Variants in MICA observed in about 807,000 individuals in gnomAD.
The protein encoded by MICA is HLA class I antigen.
MICA carries 18 observed loss-of-function variants against 34.3 expected under a neutral mutation model. That is an observed-to-expected ratio of 0.52 (90% CI 0.36 to 0.78). MICA has a LOEUF of 0.78. Ranked by LOEUF, MICA falls within the 30% of genes least tolerant of loss-of-function variation. MICA has a pLI of 0.00. For synonymous variants in MICA, 135 were observed against 156.9 expected (o/e 0.86, Z 1.04); for missense variants, 333 against 409.4 (o/e 0.81, Z 1.61).
At position 31,411,032 on chromosome 6, in the gene MICA, T is replaced by C. The variant is rs750099650; in HGVS notation, c.326-40T>C. The C allele has an allele frequency of 2.6e-6, 4 of 1,525,752 alleles. No homozygotes were observed. The South Asian group carries it at 3.8e-5, about 15-fold the overall frequency. The allele number at this position is 1,525,752 out of a possible 1,614,324, so 94.5% of individuals were successfully genotyped here. A position where few individuals can be genotyped will look rare whatever the true frequency, so the allele number is the denominator to read the frequency against. Reference sequence around the variant, plus strand: ...GTTCCTCACTTGGGTGGAAAGGTGATGGGTTCGGGAATGGAGAAGTCACTG... The same window carrying C: ...GTTCCTCACTTGGGTGGAAAGGTGACGGGTTCGGGAATGGAGAAGTCACTG... On this transcript the variant is annotated intron_variant, in intron 2 of 5. Coordinates refer to ENST00000449934, the MANE Select transcript of MICA (RefSeq NM_001177519.3). This position sits in a 1 kb window ranked among gnomAD's most constrained non-coding sequence, Gnocchi z 4.3.
chr6:31,408,226 G>A (rs1389769187), intron 1 of MICA, among the ~76,000 whole-genome samples: 1 of 151,850 alleles, frequency 6.6e-6, no homozygotes, highest in East Asian at 1.9e-4. Flanking sequence ...CTTTTTTAAT[G>A]TATTGTTGAA....
chr6:31,403,759 G>C lies in MICA; in HGVS notation c.70+57G>C, dbSNP rs1411082951. The C allele has an allele frequency of 6.7e-7, 1 of 1,483,536 alleles. No individual in the cohort carries two copies. The highest frequency in any genetic ancestry group is 9.0e-7 in the Non-Finnish European group (1 of 1,108,564). The allele number at this position is 1,483,536 out of a possible 1,614,324, so 91.9% of individuals were successfully genotyped here. ...GCGGGAGCAGTGGGACGTTTCCGGG[G>C]GTCGGGTGGGTAGCGGCGAGCGCTG... On this transcript the variant is annotated intron_variant, in intron 1 of 5. Coordinates refer to ENST00000449934, the MANE Select transcript of MICA (RefSeq NM_001177519.3). This position sits in a 1 kb window ranked among gnomAD's most constrained non-coding sequence, Gnocchi z 4.7.
At position 31,411,363 on chromosome 6, in the gene MICA, C is replaced by T. The variant is rs1331836544; in HGVS notation, c.613+4C>T. 2 of 1,553,238 alleles carry T rather than the reference C, an allele frequency of 1.3e-6. No individual in the cohort carries two copies. The highest frequency in any genetic ancestry group is 1.4e-5 in the African/African-American group (1 of 72,864). The stretch of plus-strand genomic sequence containing the variant: ...GGCGTAGTCCTGAGGAGAACAGGTA[C>T]CGACGCTGGCCAGGGGCTCTCCTCT... On this transcript the variant is annotated splice_donor_region_variant and intron_variant, in intron 3 of 5. Transcript: ENST00000449934. The surrounding 1 kb of genome is among the most constrained non-coding windows in gnomAD (Gnocchi z 4.3).
chr6:31,402,440 G>A (rs1770481482), upstream of MICA, among the ~76,000 whole-genome samples: 1 of 151,904 alleles, frequency 6.6e-6, no homozygotes, highest in African/African-American at 2.4e-5. Flanking sequence ...ACAGCAGATT[G>A]TGGCAGCTGA....
intron 1 of MICA, among the ~76,000 whole-genome samples, chr6:31,409,947 T>C (rs1770987865): frequency 7.1e-6 from 1 of 141,162 alleles, no homozygotes; most frequent in South Asian, 2.5e-4. Flanking sequence ...CATGCTACTC[T>C]TCCACTTTGA....
At chr6:31,403,162 T>C (rs1368146153), upstream of MICA, among the ~76,000 whole-genome samples, 1 of 151,572 alleles carries the variant, frequency 6.6e-6, no homozygotes, top group Admixed American at 6.6e-5. The surrounding 1 kb of genome is among the most constrained non-coding windows in gnomAD (Gnocchi z 4.7). Context: ...TGAGGGAGTG[T>C]GTTGGGAGAA....
chr6:31,403,526 G>C, upstream of MICA: 3 of 922,974 alleles, frequency 3.3e-6, no homozygotes, highest in Non-Finnish European at 4.6e-6. This position sits in a 1 kb window ranked among gnomAD's most constrained non-coding sequence, Gnocchi z 4.7. Flanking sequence ...CCGGGCCCCA[G>C]TTTCATTGGA....
chr6:31,414,524 C>G (rs1285489510), intron 5 of MICA, among the ~76,000 whole-genome samples: 1 of 151,952 alleles, frequency 6.6e-6, no homozygotes, highest in African/African-American at 2.4e-5. Flanking sequence ...GATGGGGTCC[C>G]CAGTTAGGAG....
Position 31,411,880 on chromosome 6 carries a change from C to T in MICA, c.614-67C>T. 6.5e-7 allele frequency: 1 copy of T among 1,549,244 alleles called. No individual in the cohort carries two copies. Among genetic ancestry groups the T allele is most frequent in the Non-Finnish European group, 8.7e-7 (1 of 1,149,226 alleles). On this transcript the variant is annotated intron_variant, in intron 3 of 5. Coordinates refer to ENST00000449934, the MANE Select transcript of MICA (RefSeq NM_001177519.3). This position sits in a 1 kb window ranked among gnomAD's most constrained non-coding sequence, Gnocchi z 4.3. ...CCAGAGTGAGAACAGTGAAGAGAAA[C>T]AGCCCTGTTCCTCTCCCCTCCTTAG...
chr6:31,412,273 C>G lies in MICA; in HGVS notation c.892+48C>G, dbSNP rs552047462. The G allele has an allele frequency of 5.1e-4, 816 of 1,606,004 alleles. 6 individuals are homozygous for G. Among genetic ancestry groups the G allele is most frequent in the African/African-American group, 1.5e-3 (109 of 74,378 alleles). On this transcript the variant is annotated intron_variant, in intron 4 of 5. Coordinates refer to ENST00000449934, the MANE Select transcript of MICA (RefSeq NM_001177519.3). ...GAGGGTCAGGCCAGGGTAGGGACAGCAGGGATGGCTGTGGCTCTCTGCCCA... is the reference window on the plus strand; with the variant it reads ...GAGGGTCAGGCCAGGGTAGGGACAGGAGGGATGGCTGTGGCTCTCTGCCCA...
chr6:31,401,933 A>C (rs1770451719), upstream of MICA, among the ~76,000 whole-genome samples: 1 of 151,836 alleles, frequency 6.6e-6, no homozygotes. Context: ...AACGACTAAG[A>C]GATGTGCGTT....
intron 1 of MICA, among the ~76,000 whole-genome samples, chr6:31,406,440 T>C (rs1642604855): frequency 6.6e-6 from 1 of 151,876 alleles, no homozygotes; most frequent in Non-Finnish European, 1.5e-5. Flanking sequence ...GAGCTCCTTA[T>C]ATGTTTCAGT....
rs1439458178 is a variant in MICA, at chr6:31,403,825, G to C, written c.70+123G>C. On this transcript the variant is annotated intron_variant, in intron 1 of 5. Coordinates refer to ENST00000449934, the MANE Select transcript of MICA (RefSeq NM_001177519.3). The surrounding 1 kb of genome is among the most constrained non-coding windows in gnomAD (Gnocchi z 4.7). ...GCTCCTGTGCCCTGTCGGTGGCGCA[G>C]GGAGCTGGACGCGGCCCGTTACCGC... is the stretch of plus-strand genomic sequence containing the variant. The C allele has an allele frequency of 6.7e-6, 6 of 889,022 alleles. No individual in the cohort carries two copies. The highest frequency in any genetic ancestry group is 1.0e-5 in the Non-Finnish European group (6 of 602,808). The allele number at this position is 889,022 out of a possible 1,614,324, so 55.1% of individuals were successfully genotyped here. A position where few individuals can be genotyped will look rare whatever the true frequency, so the allele number is the denominator to read the frequency against.
chr6:31,404,538 C>A (rs1302398099), intron 1 of MICA, among the ~76,000 whole-genome samples: 2 of 151,818 alleles, frequency 1.3e-5, no homozygotes, highest in African/African-American at 4.9e-5. Flanking sequence ...CCTGTCCCCG[C>A]CACCGAAGGT....
At chr6:31,405,660 C>G (rs1770708526) in intron 1 of MICA, among the ~76,000 whole-genome samples, 3 of 151,674 alleles carry the variant, frequency 2.0e-5, no homozygotes, top group Non-Finnish European at 4.4e-5. Context: ...AGATCTTATT[C>G]ATTCTAATTA....
rs753765549 is a variant in MICA, at chr6:31,410,619, A to G, written c.147A>G (p.Val49=). The G allele has an allele frequency of 2.5e-6, 4 of 1,613,456 alleles. No individual in the cohort carries two copies. The highest frequency in any genetic ancestry group is 3.4e-6 in the Non-Finnish European group (4 of 1,179,910). Residue 49 remains valine (V), a synonymous_variant, in exon 2 of 6, where the codon GTA becomes GTG. Transcript: ENST00000449934. ...TGCAGTCAGGGTTTCTTGCTGAGGT[A>G]CATCTGGATGGTCAGCCCTTCCTGC... ...GSVQSGFLAE[V]HLDGQPFLRY...
At position 31,410,568 on chromosome 6, in the gene MICA, C is replaced by T; in HGVS notation, c.96C>T (p.Leu32=). ...AAEPHSLRYN[L]TVLSWDGSVQ... ...AGCCCCACAGTCTTCGTTATAACCT[C>T]ACGGTGCTGTCCTGGGATGGATCTG... Residue 32 remains leucine (L), a synonymous_variant, in exon 2 of 6, where the codon CTC becomes CTT. Transcript: ENST00000449934. The T allele has an allele frequency of 1.9e-6, 3 of 1,613,222 alleles. No individual in the cohort carries two copies. Among genetic ancestry groups the T allele is most frequent in the South Asian group, 1.1e-5 (1 of 91,054 alleles).
At position 31,412,163 on chromosome 6, in the gene MICA, A is replaced by G. The variant is rs765546742; in HGVS notation, c.830A>G (p.Glu277Gly). ...WVATRICRGE[E>G]QRFTCYMEHS... ...GCCACCAGGATTTGCCGAGGAGAGGAGCAGAGGTTCACCTGCTACATGGAA... is the reference window on the plus strand; with the variant it reads ...GCCACCAGGATTTGCCGAGGAGAGGGGCAGAGGTTCACCTGCTACATGGAA... Residue 277 changes from glutamate to glycine, a missense_variant, in exon 4 of 6, where the codon GAG (glutamate) becomes GGG (glycine). Transcript: ENST00000449934. The G allele has an allele frequency of 6.2e-7, 1 of 1,612,588 alleles. No homozygotes were observed.
rs997020371 is a variant in MICA at position 31,410,933 on chromosome 6, A to C, written c.325+136A>C. On this transcript the variant is annotated intron_variant, in intron 2 of 5. Coordinates refer to ENST00000449934, the MANE Select transcript of MICA (RefSeq NM_001177519.3). Reference sequence around the variant, plus strand: ...GGAATGGGGGTCAGTGGAACTCAGCAGGGAGGTGAGCCGGCACTCAGCCCA... The same window carrying C: ...GGAATGGGGGTCAGTGGAACTCAGCCGGGAGGTGAGCCGGCACTCAGCCCA... 11 of 1,467,718 alleles carry C rather than the reference A, an allele frequency of 7.5e-6. No individual in the cohort carries two copies. The African/African-American group carries it at 1.3e-4, about 17-fold the overall frequency. The allele number at this position is 1,467,718 out of a possible 1,614,324, so 90.9% of individuals were successfully genotyped here.
Sources: gnomAD v4.1 joint callset for allele counts (sites outside exome capture counted in the v4.1 genomes callset) on GRCh38, gnomAD v4.1.1 for gene constraint, Gnocchi (gnomAD v3.1) non-coding constraint, MANE v1.5 for transcripts, NCBI Gene and HGNC (gene_info 2026-07-23, HGNC 2026-07-21) for gene names.